PDE1A: variants seen among roughly 807,000 people sequenced by gnomAD.
PDE1A encodes phosphodiesterase 1A, also known as dual specificity calcium/calmodulin-dependent 3',5'-cyclic nucleotide phosphodiesterase 1A.
A neutral mutation model predicts 61.7 loss-of-function variants in PDE1A; 35 were observed. The ratio of observed to expected loss-of-function variants is 0.57; its 90% CI spans 0.43 to 0.75. PDE1A has a LOEUF of 0.75. PDE1A is among the 30% of genes least tolerant of loss of function. The pLI is 0.00. For missense variants in PDE1A, 597 were observed against 630.6 expected (o/e 0.95, Z 0.57); for synonymous variants, 232 against 213.2 (o/e 1.09, Z -0.77).
At chr2:182,217,513 T>C (rs1442978378) in intron 7 of PDE1A, among the ~76,000 whole-genome samples, 3 of 144,184 alleles carry the variant, frequency 2.1e-5, no homozygotes, top group Admixed American at 1.4e-4. Context: ...TTTCGCAACC[T>C]ACTCATCTGA....
At chr2:182,612,993 C>T in the PDE1A span, among the ~76,000 whole-genome samples, 1 of 152,086 alleles carries the variant, frequency 6.6e-6, no homozygotes, top group Non-Finnish European at 1.5e-5. Flanking sequence ...ACTGAATCTG[C>T]AGGGCAAGAA....
At chr2:182,663,574 A>G in the PDE1A span, among the ~76,000 whole-genome samples, 4 of 152,234 alleles carry the variant, frequency 2.6e-5, no homozygotes, top group African/African-American at 9.6e-5. Context: ...ATGCAGGAAC[A>G]GAAAACCAAA....
intron 10 of PDE1A, among the ~76,000 whole-genome samples, chr2:182,190,281 T>A (rs1685581383): frequency 6.6e-6 from 1 of 152,178 alleles, no homozygotes; most frequent in Admixed American, 6.5e-5. Context: ...AAACAAGGAA[T>A]AAGAATTTCT....
intron 2 of PDE1A, among the ~76,000 whole-genome samples, chr2:182,462,636 C>T (rs1029140499): frequency 6.6e-6 from 1 of 151,894 alleles, no homozygotes; most frequent in African/African-American, 2.4e-5. Flanking sequence ...AACATACTTC[C>T]ACCTTAAGAG....
At chr2:182,675,871 G>C in the PDE1A span, among the ~76,000 whole-genome samples, 2 of 152,136 alleles carry the variant, frequency 1.3e-5, no homozygotes, top group Admixed American at 1.3e-4. Flanking sequence ...CAGATGCATA[G>C]TTTGCAAAAA....
At chr2:182,375,079 A>G (rs777301418) in intron 1 of PDE1A, among the ~76,000 whole-genome samples, 17 of 152,164 alleles carry the variant, frequency 1.1e-4, no homozygotes, top group Non-Finnish European at 2.1e-4. Flanking sequence ...CAGGTCCCTG[A>G]CTCAACACAT....
chr2:182,360,535 T>G (rs1456773528), intron 1 of PDE1A, among the ~76,000 whole-genome samples: 137 of 151,692 alleles, frequency 9.0e-4, no homozygotes, highest in African/African-American at 2.8e-3. Flanking sequence ...TAGTGTTTTT[T>G]TTTTTTTTTT....
the PDE1A span, among the ~76,000 whole-genome samples, chr2:182,543,274 A>G: frequency 4.7e-4 from 72 of 152,256 alleles, no homozygotes; most frequent in Non-Finnish European, 9.1e-4. Context: ...TGCCCTGGAA[A>G]TGAAATAAAA....
chr2:182,294,968 T>C (rs1694776796), intron 1 of PDE1A, among the ~76,000 whole-genome samples: 1 of 149,436 alleles, frequency 6.7e-6, no homozygotes, highest in East Asian at 2.0e-4. Context: ...CAGAGCTGAG[T>C]GCCCCAGTTT....
At chr2:182,282,578 G>T (rs1243370299) in intron 1 of PDE1A, among the ~76,000 whole-genome samples, 1 of 151,918 alleles carries the variant, frequency 6.6e-6, no homozygotes, top group Non-Finnish European at 1.5e-5. Flanking sequence ...AATATTTGTA[G>T]GTAAGGAGAC....
chr2:182,594,372 T>C, the PDE1A span, among the ~76,000 whole-genome samples: 2 of 152,210 alleles, frequency 1.3e-5, no homozygotes, highest in South Asian at 2.1e-4. Context: ...TTTAAGCAAT[T>C]GTTGAAGATC....
the PDE1A span, among the ~76,000 whole-genome samples, chr2:182,675,475 A>G: frequency 1.3e-5 from 2 of 152,302 alleles, no homozygotes; most frequent in South Asian, 4.1e-4. Context: ...TATACCCAAT[A>G]ATGAGATTGC....
At chr2:182,161,181 A>G (rs12624259) in intron 13 of PDE1A, among the ~76,000 whole-genome samples, 64,041 of 151,872 alleles carry the variant, frequency 0.42, 14,016 homozygotes, top group East Asian at 0.63. Context: ...TACCCTAAAA[A>G]TTTCTAAGTG....
chr2:182,344,796 C>T (rs2125063112), intron 1 of PDE1A, among the ~76,000 whole-genome samples: 1 of 151,860 alleles, frequency 6.6e-6, no homozygotes, highest in South Asian at 2.1e-4. Flanking sequence ...CACACTCACA[C>T]AAAGATTTCA....
intron 7 of PDE1A, among the ~76,000 whole-genome samples, chr2:182,208,684 C>T (rs1413039023): frequency 6.6e-6 from 1 of 152,154 alleles, no homozygotes; most frequent in Non-Finnish European, 1.5e-5. Context: ...GGTGGAGTGC[C>T]CAAGGCCGTA....
At chr2:182,326,003 T>A (rs560138135) in intron 1 of PDE1A, among the ~76,000 whole-genome samples, 1 of 152,236 alleles carries the variant, frequency 6.6e-6, no homozygotes, top group South Asian at 2.1e-4. Context: ...TCCAAAGCTA[T>A]ATAAATGGCA....
At chr2:182,543,916 C>T in the PDE1A span, among the ~76,000 whole-genome samples, 1 of 152,220 alleles carries the variant, frequency 6.6e-6, no homozygotes, top group South Asian at 2.1e-4. Flanking sequence ...GAAGATGATA[C>T]ACATGGGTCC....
the PDE1A span, among the ~76,000 whole-genome samples, chr2:182,542,297 A>G: frequency 1.3e-5 from 2 of 152,156 alleles, no homozygotes; most frequent in Non-Finnish European, 1.5e-5. Context: ...AAAAAGATGT[A>G]TTTGATCTTT....
chr2:182,207,806 A>G (rs1355885431), intron 7 of PDE1A, among the ~76,000 whole-genome samples: 4 of 152,212 alleles, frequency 2.6e-5, no homozygotes, highest in Non-Finnish European at 4.4e-5. Flanking sequence ...TATGGCCTCC[A>G]CTGCTCTGTG....
Sources: gnomAD v4.1 joint callset for allele counts (sites outside exome capture counted in the v4.1 genomes callset) on GRCh38, gnomAD v4.1.1 for gene constraint, MANE v1.5 for transcripts, NCBI Gene and HGNC (gene_info 2026-07-23, HGNC 2026-07-21) for gene names.